The following NCR3LG1 variants were observed in gnomAD, a reference collection of about 807,000 sequenced individuals.
The protein encoded by NCR3LG1 is natural killer cell cytotoxicity receptor 3 ligand 1, also known as natural cytotoxicity triggering receptor 3 ligand 1.
Under a neutral mutation model 34.8 loss-of-function variants are expected in NCR3LG1, and 35 were observed. The ratio of observed to expected loss-of-function variants is 1.01; its 90% CI spans 0.77 to 1.33. NCR3LG1 has a LOEUF of 1.33. Ranked by LOEUF, NCR3LG1 falls within the 40% of genes most tolerant of loss-of-function variation. The pLI, the probability that NCR3LG1 is intolerant of heterozygous loss-of-function variation, is 0.00. For synonymous variants in NCR3LG1, 173 were observed against 163.6 expected, an observed-to-expected ratio of 1.06 and a Z score of -0.44; for missense variants, 452 against 423.3, an observed-to-expected ratio of 1.07 and a Z score of -0.60.
chr11:17,362,725 TTTC>T, intron 2 of NCR3LG1, among the ~76,000 whole-genome samples: 1 of 106,424 alleles, frequency 9.4e-6, no homozygotes, highest in Non-Finnish European at 1.7e-5. Context: ...TCTTTCTTTC[TTTC>T]TTTCTTTCTT....
At chr11:17,357,497 G>A (rs1953224054) in intron 2 of NCR3LG1, among the ~76,000 whole-genome samples, 1 of 152,130 alleles carries the variant, frequency 6.6e-6, no homozygotes, top group South Asian at 2.1e-4. Context: ...ATTTTAGGAG[G>A]ACATAATTCA....
chr11:17,368,199 A>G (rs1953368473), intron 3 of NCR3LG1, among the ~76,000 whole-genome samples: 1 of 152,122 alleles, frequency 6.6e-6, no homozygotes, highest in Non-Finnish European at 1.5e-5. Context: ...TGCCTTCCCC[A>G]GGCACACTGG....
chr11:17,360,060 C>T (rs542682004), intron 2 of NCR3LG1, among the ~76,000 whole-genome samples: 1 of 152,154 alleles, frequency 6.6e-6, no homozygotes, highest in South Asian at 2.1e-4. Flanking sequence ...TGCACATCAC[C>T]ATGCCTGGCT....
At chr11:17,353,537 G>T (rs935233566) in intron 1 of NCR3LG1, among the ~76,000 whole-genome samples, 6 of 152,208 alleles carry the variant, frequency 3.9e-5, no homozygotes, top group African/African-American at 1.4e-4. Flanking sequence ...CCGGTCCCAT[G>T]CCCGTCCCGC....
At chr11:17,364,431 C>T (rs1251581995) in intron 2 of NCR3LG1, among the ~76,000 whole-genome samples, 1 of 152,074 alleles carries the variant, frequency 6.6e-6, no homozygotes, top group East Asian at 1.9e-4. Flanking sequence ...TGACCTCAAG[C>T]AATCTGCCCA....
chr11:17,364,273 C>A (rs1953320005), intron 2 of NCR3LG1, among the ~76,000 whole-genome samples: 2 of 152,106 alleles, frequency 1.3e-5, no homozygotes, highest in Non-Finnish European at 2.9e-5. Flanking sequence ...TGGCTCAATG[C>A]AACCTCTGCT....
At position 17,373,157 on chromosome 11, in the gene NCR3LG1, C is replaced by T. The variant is rs1953431905; in HGVS notation, c.*645C>T. 6.6e-6 allele frequency: 1 copy of T among 152,238 alleles called. No homozygotes were observed. Among genetic ancestry groups the T allele is most frequent in the Admixed American group, 6.5e-5 (1 of 15,282 alleles). The allele number at this position is 152,238 out of a possible 1,614,324, so 9.4% of individuals were successfully genotyped here. ...TGATATCAGAAGGAAGCTAGAGAAA[C>T]AGGCCATGGGATTAGATAGCACCTT... On this transcript the variant is annotated 3_prime_UTR_variant, in exon 5 of 5. Coordinates refer to ENST00000338965, the MANE Select transcript of NCR3LG1 (RefSeq NM_001202439.3).
intron 1 of NCR3LG1, among the ~76,000 whole-genome samples, chr11:17,354,192 C>G (rs764131511): frequency 6.6e-6 from 1 of 152,254 alleles, no homozygotes; most frequent in Non-Finnish European, 1.5e-5. Flanking sequence ...ACTGGAGGTT[C>G]TCTATGTAGG....
intron 2 of NCR3LG1, among the ~76,000 whole-genome samples, chr11:17,361,477 G>A (rs7950330): frequency 0.43 from 65,008 of 151,760 alleles, 14,826 homozygotes; most frequent in African/African-American, 0.59. Flanking sequence ...TAGTAGAGAC[G>A]GGTCACCAAG....
downstream of NCR3LG1, chr11:17,380,669 T>G (rs923454819): frequency 1.3e-5 from 2 of 152,072 alleles, no homozygotes; most frequent in African/African-American, 4.8e-5. Context: ...GTTGTTGTTG[T>G]TGTTGCGATA....
rs1043259734 is a variant in NCR3LG1, at chr11:17,374,974, C to T, written c.*2462C>T. 2 of 152,198 alleles carry T rather than the reference C, an allele frequency of 1.3e-5. No individual in the cohort carries two copies. The highest frequency in any genetic ancestry group is 4.8e-5 in the African/African-American group (2 of 41,436). 9.4% of individuals were successfully genotyped at this position (152,198 alleles called of 1,614,324 possible). On this transcript the variant is annotated 3_prime_UTR_variant, in exon 5 of 5. Coordinates refer to ENST00000338965, the MANE Select transcript of NCR3LG1 (RefSeq NM_001202439.3). ...GCCCAGCTCAACAGCCAGTAGGTTA[C>T]TTAAGTAGAGAGCTTGACTTGGAGG...
intron 2 of NCR3LG1, among the ~76,000 whole-genome samples, chr11:17,362,732 C>A (rs1481020214): frequency 1.9e-5 from 2 of 102,658 alleles, no homozygotes; most frequent in African/African-American, 1.2e-4. Context: ...TTCTTTCTTT[C>A]TTTCTTTCTT....
rs1953352511 is a variant in NCR3LG1 at position 17,367,088 on chromosome 11, G to A, written c.501G>A (p.Gly167=). The change falls in exon 3 of 5, where the codon GGG becomes GGA. Residue 167 remains glycine, a synonymous_variant. Coordinates refer to ENST00000338965, the MANE Select transcript of NCR3LG1 (RefSeq NM_001202439.3). Reference sequence around the variant, plus strand: ...ACAAATATATGTGTGAGTCAAGTGGGTTCTACCCAGAGGCTATTAATATAA... The same window carrying A: ...ACAAATATATGTGTGAGTCAAGTGGATTCTACCCAGAGGCTATTAATATAA... ...NEDKYMCESS[G]FYPEAINITW... 2 of 1,536,088 alleles carry A rather than the reference G, an allele frequency of 1.3e-6. No homozygotes were observed. The highest frequency in any genetic ancestry group is 2.4e-5 in the East Asian group (1 of 40,934).
At chr11:17,361,936 G>A (rs1423898360) in intron 2 of NCR3LG1, among the ~76,000 whole-genome samples, 3 of 152,200 alleles carry the variant, frequency 2.0e-5, no homozygotes, top group Admixed American at 6.5e-5. Flanking sequence ...GTGAGCCACT[G>A]TACCAGGCCT....
intron 2 of NCR3LG1, among the ~76,000 whole-genome samples, chr11:17,357,705 C>G (rs1175603678): frequency 1.3e-5 from 2 of 151,720 alleles, no homozygotes; most frequent in Non-Finnish European, 2.9e-5. Flanking sequence ...CTTTATATAT[C>G]TATATAAAGG....
chr11:17,352,046 G>A lies in NCR3LG1; in HGVS notation c.70+7G>A. 1 of 1,508,770 alleles carries A rather than the reference G, an allele frequency of 6.6e-7. No homozygotes were observed. The highest frequency in any genetic ancestry group is 8.8e-7 in the Non-Finnish European group (1 of 1,131,938). 93.5% of individuals were successfully genotyped at this position (1,508,770 alleles called of 1,614,324 possible). On this transcript the variant is annotated splice_region_variant and intron_variant, in intron 1 of 4. Coordinates refer to ENST00000338965, the MANE Select transcript of NCR3LG1 (RefSeq NM_001202439.3). ...TGGGCGCTGACGACCGAAGGTAGGGGGCGGCTGGGGTGGGCTGGGGCGGGG... is the reference window on the plus strand; with the variant it reads ...TGGGCGCTGACGACCGAAGGTAGGGAGCGGCTGGGGTGGGCTGGGGCGGGG...
At chr11:17,365,552 AT>A (rs1300430748) in intron 2 of NCR3LG1, among the ~76,000 whole-genome samples, 1 of 152,110 alleles carries the variant, frequency 6.6e-6, no homozygotes, top group Non-Finnish European at 1.5e-5. Flanking sequence ...GAGTTGGCTA[AT>A]TTTCTTCTCT....
intron 1 of NCR3LG1, 93 bp from the exon 2 acceptor site, chr11:17,356,558 A>C: frequency 1.1e-6 from 1 of 917,746 alleles, no homozygotes; most frequent in Non-Finnish European, 1.6e-6. Flanking sequence ...CTCCATATGA[A>C]TTTTGGAGGA....
In NCR3LG1 at chr11:17,372,424, C is replaced by T. The variant is rs1301103193; in HGVS notation, c.1277C>T (p.Ser426Phe). 1.4e-6 allele frequency: 1 copy of T among 703,128 alleles called. No individual in the cohort carries two copies. The highest frequency in any genetic ancestry group is 1.7e-5 in the African/African-American group (1 of 57,234). 43.6% of individuals were successfully genotyped at this position (703,128 alleles called of 1,614,324 possible). A position where few individuals can be genotyped will look rare whatever the true frequency, so the allele number is the denominator to read the frequency against. ...CCGGATGCCCCAATCCTTCCTGTCT[C>T]CCCTATCTGGGAACCTCCTCCAGCC... ...AVPDAPILPV[S>F]PIWEPPPATT... The change falls in exon 5 of 5, where the codon TCC becomes TTC. Residue 426 changes from serine (S) to phenylalanine (F), a missense_variant. Transcript: ENST00000338965.
Sources: gnomAD v4.1 joint callset for allele counts (sites outside exome capture counted in the v4.1 genomes callset) on GRCh38, gnomAD v4.1.1 for gene constraint, MANE v1.5 for transcripts, NCBI Gene and HGNC (gene_info 2026-07-23, HGNC 2026-07-21) for gene names.